The following FGF13 variants were observed in gnomAD, a reference collection of about 807,000 sequenced individuals.
FGF13 encodes fibroblast growth factor homologous factor 2.
A neutral mutation model predicts 19.5 loss-of-function variants in FGF13; 2 were observed. That is an observed-to-expected ratio of 0.10 (90% CI 0.04 to 0.32). FGF13 has a LOEUF of 0.32. Among genes scored for constraint, FGF13 ranks in the 10% least tolerant of loss-of-function variants. The pLI is 1.00. For missense variants in FGF13, 113 were observed against 192.7 expected (o/e 0.59, Z 2.45); for synonymous variants, 72 against 76.9 (o/e 0.94, Z 0.33).
At chrX:138,814,904 C>A (rs1436845321) in intron 3 of FGF13, among the ~76,000 whole-genome samples, 7 of 111,450 alleles carry the variant, frequency 6.3e-5, no homozygotes, top group African/African-American at 1.6e-4. Flanking sequence ...TTCATTGCAG[C>A]GTTATTTACA....
intron 3 of FGF13, among the ~76,000 whole-genome samples, chrX:138,846,969 T>C (rs2091187503): frequency 8.9e-6 from 1 of 111,808 alleles, no homozygotes; most frequent in Admixed American, 9.5e-5. Flanking sequence ...AATGAGCAAG[T>C]ACCTCCTGAG....
Position 138,621,091 on chromosome X carries a change from A to G in FGF13, c.*11759T>C, listed in dbSNP as rs1227896293. 3.6e-5 allele frequency: 4 copies of G among 111,866 alleles called. No individual in the cohort carries two copies. The highest frequency in any genetic ancestry group is 5.6e-5 in the Non-Finnish European group (3 of 53,129). 9.2% of individuals were successfully genotyped at this position (111,866 alleles called of 1,213,427 possible). On this transcript the variant is annotated 3_prime_UTR_variant, in exon 5 of 5. Transcript: ENST00000315930. ...GACAGATCACCCAGACAGAAAATCAATAGGGAATTGACTTGAACTACACTT... is the reference window on the plus strand; with the variant it reads ...GACAGATCACCCAGACAGAAAATCAGTAGGGAATTGACTTGAACTACACTT...
At chrX:138,962,887 C>T (rs1337447737) in intron 1 of FGF13, among the ~76,000 whole-genome samples, 2 of 111,435 alleles carry the variant, frequency 1.8e-5, no homozygotes, top group African/African-American at 6.5e-5. Context: ...GGAGAAATAC[C>T]TAGTGTAAAT....
chrX:138,798,800 G>C (rs1000810558), intron 3 of FGF13, among the ~76,000 whole-genome samples: 2 of 112,044 alleles, frequency 1.8e-5, no homozygotes, highest in Non-Finnish European at 3.8e-5. Flanking sequence ...TTGGGAGGGT[G>C]TATGTGTCCA....
chrX:139,152,889 TGG>T (rs2083946494), intron 1 of FGF13, among the ~76,000 whole-genome samples: 2 of 110,912 alleles, frequency 1.8e-5, no homozygotes, highest in South Asian at 3.9e-4. Flanking sequence ...ACTCATGTTT[TGG>T]GATCTCAGCT....
chrX:138,770,902 G>A (rs1334321147), intron 3 of FGF13, among the ~76,000 whole-genome samples: 1 of 111,571 alleles, frequency 9.0e-6, no homozygotes, highest in African/African-American at 3.3e-5. Flanking sequence ...GGGTGGAGAA[G>A]GTGGGAAGTG....
chrX:139,069,113 G>T (rs1409712172), intron 1 of FGF13, among the ~76,000 whole-genome samples: 1 of 102,038 alleles, frequency 9.8e-6, no homozygotes, highest in African/African-American at 3.6e-5. Flanking sequence ...CCATTACTGG[G>T]TATATACCCA....
chrX:138,937,496 T>C (rs1381775157), intron 1 of FGF13, among the ~76,000 whole-genome samples: 1 of 112,150 alleles, frequency 8.9e-6, no homozygotes, highest in African/African-American at 3.2e-5. Context: ...ATGGTATTTC[T>C]AGTGTGTGGC....
chrX:138,768,295 G>C (rs1405478846), intron 3 of FGF13, among the ~76,000 whole-genome samples: 2 of 112,191 alleles, frequency 1.8e-5, no homozygotes, highest in African/African-American at 6.5e-5. Context: ...TGCATTGTCT[G>C]ATGTATAAGC....
intron 1 of FGF13, among the ~76,000 whole-genome samples, chrX:139,057,080 G>A (rs142421697): frequency 2.6e-4 from 29 of 111,433 alleles, no homozygotes; most frequent in Non-Finnish European, 5.3e-4. Context: ...ATAAAATGAT[G>A]GGATTGGGTA....
intron 3 of FGF13, among the ~76,000 whole-genome samples, chrX:138,688,101 G>A (rs2089802067): frequency 9.2e-6 from 1 of 109,024 alleles, no homozygotes; most frequent in Admixed American, 9.9e-5. Flanking sequence ...GACTACAGGT[G>A]CGTGCCACCA....
At chrX:139,084,180 TAAAAC>T (rs2083389349) in intron 1 of FGF13, among the ~76,000 whole-genome samples, 1 of 99,742 alleles carries the variant, frequency 1.0e-5, no homozygotes, top group African/African-American at 3.7e-5. Context: ...AAAAAGAAAA[TAAAAC>T]AGGAGGAGGA....
At chrX:138,769,903 T>C (rs2090532589) in intron 3 of FGF13, among the ~76,000 whole-genome samples, 2 of 112,174 alleles carry the variant, frequency 1.8e-5, no homozygotes, top group African/African-American at 6.5e-5. Context: ...TGAAACCTTA[T>C]CATAGATTTC....
At chrX:139,162,881 G>C (rs953672070) in intron 1 of FGF13, among the ~76,000 whole-genome samples, 5 of 112,209 alleles carry the variant, frequency 4.5e-5, no homozygotes, top group African/African-American at 1.6e-4. Flanking sequence ...TCATTAAAAA[G>C]TCAGGAAACA....
At chrX:138,918,710 T>A (rs1245762744) in intron 1 of FGF13, among the ~76,000 whole-genome samples, 1 of 110,943 alleles carries the variant, frequency 9.0e-6, no homozygotes, top group Non-Finnish European at 1.9e-5. Flanking sequence ...GTGTGAGAAG[T>A]ACAATAAGGA....
chrX:139,114,262 C>A (rs1480006493), intron 1 of FGF13, among the ~76,000 whole-genome samples: 1 of 112,080 alleles, frequency 8.9e-6, no homozygotes, highest in East Asian at 2.8e-4. Flanking sequence ...ATACAATTAC[C>A]TAAAATCTAG....
intron 1 of FGF13, among the ~76,000 whole-genome samples, chrX:139,156,545 C>A (rs1469588396): frequency 8.9e-6 from 1 of 112,777 alleles, no homozygotes; most frequent in Non-Finnish European, 1.9e-5. Flanking sequence ...TGGCAAGAAA[C>A]TGAGTGTGGT....
Position 138,802,128 on chromosome X carries a change from A to T in FGF13, c.217+55384T>A, listed in dbSNP as rs374183509. ...CTCTCTTGCTGGGTTTCCAGGTATC[A>T]CTGGGGTATGAAAACAAAAACAAAA... is the stretch of plus-strand genomic sequence containing the variant. On this transcript the variant is annotated intron_variant, in intron 3 of 6. Transcript: ENST00000436198. Among the ~76,000 whole-genome samples, 15 of 111,653 alleles carry T rather than the reference A, an allele frequency of 1.3e-4. 1 individual carries two copies. The East Asian group carries it at 1.4e-3, about 11-fold the overall frequency.
intron 1 of FGF13, chrX:138,985,136 A>G (rs1603099393): frequency 2.9e-6 from 1 of 339,434 alleles, no homozygotes; most frequent in East Asian, 9.0e-5. Context: ...CATTAGGCCT[A>G]TGTGGAAGGA....
Sources: gnomAD v4.1 joint callset for allele counts (sites outside exome capture counted in the v4.1 genomes callset) on GRCh38, gnomAD v4.1.1 for gene constraint, MANE v1.5 for transcripts, NCBI Gene and HGNC (gene_info 2026-07-23, HGNC 2026-07-21) for gene names.